The following NCAPG2 variants were observed in gnomAD, a reference collection of about 807,000 sequenced individuals.
NCAPG2 encodes condensin-2 complex subunit G2.
Under a neutral mutation model 141.1 loss-of-function variants are expected in NCAPG2, and 53 were observed. That is an observed-to-expected ratio of 0.38 (90% CI 0.30 to 0.47). NCAPG2 has a LOEUF of 0.47. Ranked by LOEUF, NCAPG2 falls within the 20% of genes least tolerant of loss-of-function variation. The probability of loss-of-function intolerance (pLI) is 0.99; values close to 1 mark genes in which losing one functional copy is unlikely to be tolerated. For missense variants in NCAPG2, 1,087 were observed against 1,389.0 expected, an observed-to-expected ratio of 0.78 and a Z score of 3.46; for synonymous variants, 499 against 490.7, an observed-to-expected ratio of 1.02 and a Z score of -0.22.
intron 6 of NCAPG2, 74 bp downstream of exon 6, chr7:158,689,745 A>C: frequency 7.4e-7 from 1 of 1,348,414 alleles, no homozygotes. Flanking sequence ...TGCAGACAGG[A>C]ACCATGTGAA....
intron 13 of NCAPG2, chr7:158,667,052 T>C (rs1833017423): frequency 1.2e-6 from 1 of 869,540 alleles, no homozygotes; most frequent in South Asian, 5.2e-5. Context: ...AGCTGTCCTC[T>C]GGCCAGCCAG....
Position 158,644,337 on chromosome 7 carries a change from T to C in NCAPG2, c.3332A>G (p.Lys1111Arg). 1 of 1,614,126 alleles carries C rather than the reference T, an allele frequency of 6.2e-7. No homozygotes were observed. Among genetic ancestry groups the C allele is most frequent in the Non-Finnish European group, 8.5e-7 (1 of 1,179,966 alleles). Residue 1111 changes from lysine (K) to arginine (R), a missense_variant, in exon 27 of 28, where the codon AAA becomes AGA. Transcript: ENST00000356309. ...AGTAATTTCCATGAATGTCTTTAGT[T>C]TTCTGTGAACAGTGGCTGCAACCTC... ...VREVAATVHR[K>R]LKTFMEITLE... is the part of the protein sequence containing the mutation.
At chr7:158,644,462 T>A in intron 26 of NCAPG2, 74 bp from the exon 27 acceptor site, 2 of 1,296,530 alleles carry the variant, frequency 1.5e-6, no homozygotes, top group Non-Finnish European at 2.2e-6. Flanking sequence ...GGTACACATG[T>A]GGTACAACTT....
rs1289013120 is a variant in NCAPG2, at chr7:158,667,405, C to T, written c.1480-2655G>A. 3.7e-4 allele frequency among the ~76,000 whole-genome samples: 17 copies of T among 46,426 alleles called. 1 individual carries two copies. The highest frequency in any genetic ancestry group is 8.4e-4 in the Non-Finnish European group (15 of 17,958). 30.5% of individuals were successfully genotyped at this position (46,426 alleles called of 152,430 possible). On this transcript the variant is annotated intron_variant, in intron 13 of 27. Coordinates refer to ENST00000356309, the MANE Select transcript of NCAPG2 (RefSeq NM_017760.7). ...TTACCCACTACTGGGTCCCTCCGCCCTCCTTACCCACTACTGGGTCCCTCC... is the reference window on the plus strand; with the variant it reads ...TTACCCACTACTGGGTCCCTCCGCCTTCCTTACCCACTACTGGGTCCCTCC...
At position 158,634,775 on chromosome 7, in the gene NCAPG2, TC is replaced by T. The variant is rs375906036; in HGVS notation, c.3381-3059del. ...ACTACTGCAATACAAATTTACTCAT[TC>T]TTCTATTACCTGAAGCAAGAATTGA... On this transcript the variant is annotated intron_variant, in intron 27 of 27. Transcript: ENST00000356309. Among the ~76,000 whole-genome samples, 23 of 152,320 alleles carry T rather than the reference TC, an allele frequency of 1.5e-4. No individual in the cohort carries two copies. The East Asian group carries it at 2.7e-3, about 18-fold the overall frequency.
At chr7:158,671,432 G>C in intron 13 of NCAPG2, 82 bp downstream of exon 13, 1 of 1,496,914 alleles carries the variant, frequency 6.7e-7, no homozygotes, top group African/African-American at 1.4e-5. Context: ...TTTAAAATGT[G>C]GAATTAAAAC....
intron 6 of NCAPG2, among the ~76,000 whole-genome samples, chr7:158,688,488 C>T (rs1020064963): frequency 6.6e-6 from 1 of 152,210 alleles, no homozygotes; most frequent in Non-Finnish European, 1.5e-5. Context: ...TTTCTTCACT[C>T]TCCCATTTCA....
intron 9 of NCAPG2, among the ~76,000 whole-genome samples, chr7:158,682,846 TATCTAAATTCTGAGATTA>T (rs1227603368): frequency 2.8e-4 from 42 of 152,340 alleles, no homozygotes; most frequent in South Asian, 8.3e-4. Context: ...GTAAAGTTCA[TATCTAAATTCTGAGATTA>T]ATCTAAATTC....
chr7:158,638,441 T>A (rs1830433237), intron 27 of NCAPG2, among the ~76,000 whole-genome samples: 1 of 152,136 alleles, frequency 6.6e-6, no homozygotes, highest in South Asian at 2.1e-4. Flanking sequence ...GGTCTCGCTG[T>A]GTTGCTCAAA....
Position 158,689,944 on chromosome 7 carries a change from C to T in NCAPG2, c.547G>A (p.Val183Ile), listed in dbSNP as rs757506380. The change falls in exon 6 of 28, where the codon GTA (valine) becomes ATA (isoleucine). Residue 183 changes from valine (V) to isoleucine (I), a missense_variant. Coordinates refer to ENST00000356309, the MANE Select transcript of NCAPG2 (RefSeq NM_017760.7). ...TGATGGATACGCCAAAGCCGACATA[C>T]GTCTGCACCCTAGGAATGACACAAA... The part of the protein sequence containing the change: ...RSLETKTGAD[V>I]CRLWRIHQAL... 15 of 1,559,700 alleles carry T rather than the reference C, an allele frequency of 9.6e-6. No individual in the cohort carries two copies. In the Admixed American group the frequency reaches 1.2e-4, roughly 13 times the overall value.
At position 158,656,705 on chromosome 7, in the gene NCAPG2, G is replaced by A; in HGVS notation, c.2061C>T (p.Ser687=). The change falls in exon 18 of 28, where the codon AGC becomes AGT. Residue 687 remains serine, a splice_region_variant and synonymous_variant. Transcript: ENST00000356309. Reference sequence around the variant, plus strand: ...TTCTCAGCGTGGAAATCACACCACAGCTGAAAATGTCAGACGGAAAATCGG... The same window carrying A: ...TTCTCAGCGTGGAAATCACACCACAACTGAAAATGTCAGACGGAAAATCGG... ...FMPASAVPPF[S]CGVISTLRSR... is the part of the protein sequence containing the mutation. 1.2e-6 allele frequency: 2 copies of A among 1,613,416 alleles called. No homozygotes were observed. Among genetic ancestry groups the A allele is most frequent in the Non-Finnish European group, 1.7e-6 (2 of 1,179,750 alleles).
In NCAPG2 at chr7:158,692,824, A is replaced by T; in HGVS notation, c.382+18T>A. On this transcript the variant is annotated intron_variant, in intron 4 of 27. Coordinates refer to ENST00000356309, the MANE Select transcript of NCAPG2 (RefSeq NM_017760.7). ...ACACCCACTTCTAAATATGCCATTT[A>T]TAACAAAATCAACTCACCATTTAAT... 7.3e-7 allele frequency: 1 copy of T among 1,373,942 alleles called. No homozygotes were observed. Among genetic ancestry groups the T allele is most frequent in the Non-Finnish European group, 1.0e-6 (1 of 974,400 alleles). 85.1% of individuals were successfully genotyped at this position (1,373,942 alleles called of 1,614,324 possible).
intron 27 of NCAPG2, among the ~76,000 whole-genome samples, chr7:158,635,409 G>A (rs1399607999): frequency 6.6e-6 from 1 of 152,004 alleles, no homozygotes; most frequent in East Asian, 1.9e-4. Context: ...TACTATTAAC[G>A]TTGCCTGCAA....
chr7:158,667,284 G>A (rs1483661568), intron 13 of NCAPG2: 8 of 913,082 alleles, frequency 8.8e-6, no homozygotes, highest in African/African-American at 5.5e-5. Context: ...CTCCCTCAGA[G>A]ACCCTGTGTC....
intron 7 of NCAPG2, among the ~76,000 whole-genome samples, chr7:158,687,093 G>C (rs1294848158): frequency 6.6e-6 from 1 of 152,140 alleles, no homozygotes; most frequent in South Asian, 2.1e-4. Context: ...TACGAGCGAG[G>C]CTAAGGTTCA....
chr7:158,654,343 C>T (rs1831738693), intron 22 of NCAPG2, among the ~76,000 whole-genome samples: 1 of 152,186 alleles, frequency 6.6e-6, no homozygotes, highest in South Asian at 2.1e-4. Context: ...GTCAGCCTGG[C>T]AACAAAGCTG....
At position 158,655,457 on chromosome 7, in the gene NCAPG2, T is replaced by A; in HGVS notation, c.2389-2A>T. On this transcript the variant is annotated splice_acceptor_variant, in intron 19 of 27. Transcript: ENST00000356309. LOFTEE classifies it high-confidence loss of function. ...CTGCAGAAGTGACTCCAGATCTGCC[T>A]GTAATAGAAAAAACCCAAGGGCCAC... 1 of 1,613,124 alleles carries A rather than the reference T, an allele frequency of 6.2e-7. No homozygotes were observed. Among genetic ancestry groups the A allele is most frequent in the Non-Finnish European group, 8.5e-7 (1 of 1,179,298 alleles).
rs376607138 is a variant in NCAPG2 at position 158,687,334 on chromosome 7, C to G, written c.767+14G>C. On this transcript the variant is annotated intron_variant, in intron 7 of 27. Transcript: ENST00000356309. The stretch of plus-strand genomic sequence containing the variant: ...TTAAGACAGCACAAAATCTTCAGTA[C>G]TTTTAACACTTACTTTTGTAATCCC... The G allele has an allele frequency of 4.0e-5, 63 of 1,581,406 alleles. No homozygotes were observed. In the Admixed American group the frequency reaches 1.0e-3, roughly 26 times the overall value.
intron 22 of NCAPG2, 95 bp from the exon 23 acceptor site, chr7:158,652,575 CA>C (rs5888763): frequency 2.0e-6 from 2 of 986,134 alleles, no homozygotes; most frequent in East Asian, 2.6e-5. Context: ...AAAATGGTAA[CA>C]AAAAAGAGAT....
Sources: gnomAD v4.1 joint callset for allele counts (sites outside exome capture counted in the v4.1 genomes callset) on GRCh38, gnomAD v4.1.1 for gene constraint, MANE v1.5 for transcripts, NCBI Gene and HGNC (gene_info 2026-07-23, HGNC 2026-07-21) for gene names.